SSPN: variants seen among roughly 807,000 people sequenced by gnomAD.
The protein encoded by SSPN is sarcospan.
Under a neutral mutation model 19.1 loss-of-function variants are expected in SSPN, and 15 were observed. That is an observed-to-expected ratio of 0.78 (90% CI 0.52 to 1.21). SSPN has a LOEUF of 1.21. Ranked by LOEUF, SSPN falls within the 50% of genes most tolerant of loss-of-function variation. SSPN has a pLI of 0.00. For missense variants in SSPN, 291 were observed against 314.0 expected (o/e 0.93, Z 0.55); for synonymous variants, 147 against 140.3 (o/e 1.05, Z -0.34).
intron 1 of SSPN, among the ~76,000 whole-genome samples, chr12:26,137,387 A>G (rs1478335518): frequency 1.3e-5 from 2 of 152,124 alleles, no homozygotes; most frequent in Non-Finnish European, 2.9e-5. Flanking sequence ...ATTATGCCAG[A>G]AAGAGCATGG....
intron 1 of SSPN, among the ~76,000 whole-genome samples, chr12:26,138,927 G>A (rs61915720): frequency 0.035 from 5,282 of 152,178 alleles, 132 homozygotes; most frequent in Non-Finnish European, 0.05. Flanking sequence ...GAATATTTTA[G>A]TTACTTCCCA....
intron 1 of SSPN, among the ~76,000 whole-genome samples, chr12:26,187,647 G>T (rs989708047): frequency 6.6e-6 from 1 of 152,160 alleles, no homozygotes; most frequent in Non-Finnish European, 1.5e-5. Context: ...CCAGCAGGTG[G>T]GGTCAGAGGT....
chr12:26,132,325 A>G (rs1453296060), intron 1 of SSPN, among the ~76,000 whole-genome samples: 1 of 152,222 alleles, frequency 6.6e-6, no homozygotes, highest in Non-Finnish European at 1.5e-5. Context: ...GGGATTCAGT[A>G]GTGAACGTTG....
At chr12:26,142,705 A>G (rs1337020363) in intron 1 of SSPN, among the ~76,000 whole-genome samples, 2 of 152,230 alleles carry the variant, frequency 1.3e-5, no homozygotes, top group East Asian at 3.8e-4. Flanking sequence ...ATTTCAGGAC[A>G]TGGAGATTAG....
chr12:26,155,584 T>A (rs12321599), intron 1 of SSPN, among the ~76,000 whole-genome samples: 1 of 152,110 alleles, frequency 6.6e-6, no homozygotes, highest in Non-Finnish European at 1.5e-5. Context: ...TGTTAATATG[T>A]GTGTAGGCCA....
At chr12:26,167,363 C>T (rs1374868513) in intron 1 of SSPN, among the ~76,000 whole-genome samples, 2 of 152,118 alleles carry the variant, frequency 1.3e-5, no homozygotes, top group Non-Finnish European at 2.9e-5. Context: ...TTGGAAAAAG[C>T]AGCAGAGTGT....
At position 26,234,387 on chromosome 12, in the gene SSPN, T is replaced by C. The variant is rs1333670687; in HGVS notation, c.*3311T>C. ...CATAGCCATAAATTTCTGTAAATCATGTTGGCTATCAGTTCTTGCTATTCT... is the reference window on the plus strand; with the variant it reads ...CATAGCCATAAATTTCTGTAAATCACGTTGGCTATCAGTTCTTGCTATTCT... On this transcript the variant is annotated 3_prime_UTR_variant, in exon 3 of 3. Coordinates refer to ENST00000242729, the MANE Select transcript of SSPN (RefSeq NM_005086.5). The C allele has an allele frequency of 1.3e-5, 2 of 152,226 alleles. No homozygotes were observed. Among genetic ancestry groups the C allele is most frequent in the African/African-American group, 4.8e-5 (2 of 41,452 alleles). 9.4% of individuals were successfully genotyped at this position (152,226 alleles called of 1,614,324 possible). A position where few individuals can be genotyped will look rare whatever the true frequency, so the allele number is the denominator to read the frequency against.
chr12:26,195,918 A>G lies in SSPN; in HGVS notation c.246A>G (p.Leu82=). ...FLMASISSSL[L]VRDTPFWAGI... Reference sequence around the variant, plus strand: ...TGGCGAGCATCAGCTCCTCCCTGCTAGTCAGGGACACTCCATTTTGGGCTG... The same window carrying G: ...TGGCGAGCATCAGCTCCTCCCTGCTGGTCAGGGACACTCCATTTTGGGCTG... The change falls in exon 1 of 3, where the codon CTA becomes CTG. Residue 82 remains leucine, a synonymous_variant. Coordinates refer to ENST00000242729, the MANE Select transcript of SSPN (RefSeq NM_005086.5). 1 of 1,558,178 alleles carries G rather than the reference A, an allele frequency of 6.4e-7. No individual in the cohort carries two copies. Among genetic ancestry groups the G allele is most frequent in the Non-Finnish European group, 8.7e-7 (1 of 1,155,554 alleles).
intron 1 of SSPN, among the ~76,000 whole-genome samples, chr12:26,178,114 A>G (rs1944695856): frequency 6.6e-6 from 1 of 152,208 alleles, no homozygotes; most frequent in East Asian, 1.9e-4. Context: ...AGAATTCTTC[A>G]AGAAAGCAAT....
Position 26,140,146 on chromosome 12 carries a change from T to A in SSPN, c.-31+17994T>A, listed in dbSNP as rs554991130. On this transcript the variant is annotated intron_variant, in intron 1 of 2. Coordinates refer to the SSPN transcript ENST00000538142. ...ACTCCTTTTGGATTTCATGTAGTTATTTCATGAAATATAGTTGTTTTTATG... is the reference window on the plus strand; with the variant it reads ...ACTCCTTTTGGATTTCATGTAGTTAATTCATGAAATATAGTTGTTTTTATG... 4.3e-4 allele frequency among the ~76,000 whole-genome samples: 66 copies of A among 152,346 alleles called. No individual in the cohort carries two copies. The South Asian group carries it at 0.013, about 30-fold the overall frequency.
chr12:26,131,916 G>T (rs1420858615), intron 1 of SSPN, among the ~76,000 whole-genome samples: 1 of 152,126 alleles, frequency 6.6e-6, no homozygotes, highest in Non-Finnish European at 1.5e-5. Flanking sequence ...GTGCTCCAGG[G>T]TGTCACTGGC....
chr12:26,124,242 T>G, intron 1 of SSPN: 1 of 1,017,436 alleles, frequency 9.8e-7, no homozygotes, highest in Non-Finnish European at 1.5e-6. Context: ...TATTGGATAT[T>G]ACCCTCGTCT....
intron 1 of SSPN, chr12:26,122,648 G>A (rs749739261): frequency 1.6e-5 from 21 of 1,339,208 alleles, no homozygotes; most frequent in East Asian, 2.9e-5. Context: ...GGCCGCCGCC[G>A]CTGCCGCCGC....
chr12:26,201,044 T>TAA (rs1944878826), intron 1 of SSPN, among the ~76,000 whole-genome samples: 1 of 41,880 alleles, frequency 2.4e-5, no homozygotes, highest in Non-Finnish European at 4.0e-5. Flanking sequence ...TATATATATA[T>TAA]ATTATATATA....
chr12:26,199,962 A>C (rs1176522562), intron 1 of SSPN, among the ~76,000 whole-genome samples: 2 of 152,226 alleles, frequency 1.3e-5, no homozygotes, highest in Non-Finnish European at 2.9e-5. Context: ...TACCTTTCAA[A>C]GTATTCCACT....
chr12:26,126,091 G>C (rs1171735689), intron 1 of SSPN: 2 of 152,228 alleles, frequency 1.3e-5, no homozygotes, highest in African/African-American at 4.8e-5. Flanking sequence ...CCACATCACT[G>C]CTCGGGGAAC....
chr12:26,137,157 G>A (rs369097681), intron 1 of SSPN, among the ~76,000 whole-genome samples: 37 of 152,270 alleles, frequency 2.4e-4, no homozygotes, highest in African/African-American at 8.7e-4. Flanking sequence ...GTGTGATAAT[G>A]CCATTCTGAA....
intron 1 of SSPN, among the ~76,000 whole-genome samples, chr12:26,184,777 G>A (rs556130872): frequency 5.3e-5 from 8 of 152,148 alleles, no homozygotes; most frequent in Non-Finnish European, 1.0e-4. Context: ...CTCTCATAGA[G>A]AGGAAGGGAG....
At chr12:26,137,856 G>A (rs889005484) in intron 1 of SSPN, among the ~76,000 whole-genome samples, 8 of 150,814 alleles carry the variant, frequency 5.3e-5, no homozygotes, top group African/African-American at 1.7e-4. Flanking sequence ...TAGTAGAGAC[G>A]GGTTTCACCC....
Sources: allele counts gnomAD v4.1 joint callset (sites outside exome capture counted in the v4.1 genomes callset), GRCh38; gene constraint gnomAD v4.1.1; transcripts MANE v1.5; gene names NCBI Gene and HGNC (gene_info 2026-07-23, HGNC 2026-07-21).